The following RGS18 variants were observed in gnomAD, a reference collection of about 807,000 sequenced individuals.
RGS18 encodes regulator of G protein signaling 18.
A neutral mutation model predicts 27.6 loss-of-function variants in RGS18; 22 were observed. That is an observed-to-expected ratio of 0.80 (90% confidence interval 0.57 to 1.14). The LOEUF (loss-of-function observed/expected upper bound fraction) is 1.14. Among genes scored for constraint, RGS18 ranks in the 50% most tolerant of loss-of-function variants. The pLI is 0.00. For synonymous variants in RGS18, 89 were observed against 84.6 expected, an observed-to-expected ratio of 1.05 and a Z score of -0.29; for missense variants, 299 against 269.6, an observed-to-expected ratio of 1.11 and a Z score of -0.76.
chr1:192,158,816 A>G (rs991492535), intron 1 of RGS18, 60 bp downstream of exon 1: 8 of 1,131,928 alleles, frequency 7.1e-6, no homozygotes, highest in South Asian at 3.0e-5. Flanking sequence ...GAGGTTGAAG[A>G]TTCATTACCT....
chr1:192,178,167 A>T (rs1445218167), intron 3 of RGS18, among the ~76,000 whole-genome samples: 1 of 151,690 alleles, frequency 6.6e-6, no homozygotes, highest in Non-Finnish European at 1.5e-5. Context: ...AAAATCAAAT[A>T]TCCCTGAGAA....
At position 192,172,542 on chromosome 1, in the gene RGS18, G is replaced by A. The variant is rs143407891; in HGVS notation, c.284-8750G>A. On this transcript the variant is annotated intron_variant, in intron 3 of 4. Transcript: ENST00000367460. ...ACCCAGCCTCAGGTATTCCTTTATA[G>A]CAACACAAAACAGACTAAGACACCC... 5.2e-3 allele frequency among the ~76,000 whole-genome samples: 786 copies of A among 151,814 alleles called. 7 individuals are homozygous for A. The highest frequency in any genetic ancestry group is 0.018 in the African/African-American group (758 of 41,412).
At chr1:192,166,500 G>T (rs1656165436) in intron 3 of RGS18, among the ~76,000 whole-genome samples, 2 of 151,954 alleles carry the variant, frequency 1.3e-5, no homozygotes, top group South Asian at 4.1e-4. Flanking sequence ...CTGATGGTTA[G>T]AAAGGTAAAA....
At chr1:192,161,329 A>C (rs2102150111) in intron 3 of RGS18, 1 of 152,256 alleles carries the variant, frequency 6.6e-6, no homozygotes, top group South Asian at 2.1e-4. Context: ...ACTCTGGAAC[A>C]CTGTTATAAT....
At chr1:192,164,808 A>C (rs1426306860) in intron 3 of RGS18, among the ~76,000 whole-genome samples, 2 of 152,110 alleles carry the variant, frequency 1.3e-5, no homozygotes, top group Non-Finnish European at 2.9e-5. Context: ...GCTTGACTTT[A>C]CTTTAATCTC....
chr1:192,160,175 A>T (rs759238240), intron 2 of RGS18, among the ~76,000 whole-genome samples: 10 of 152,196 alleles, frequency 6.6e-5, no homozygotes, highest in South Asian at 4.1e-4. Context: ...TTATTTCAAC[A>T]CATTATTCAA....
intron 4 of RGS18, 87 bp from the exon 5 acceptor site, chr1:192,184,210 C>T: frequency 8.0e-7 from 1 of 1,257,556 alleles, no homozygotes; most frequent in Non-Finnish European, 1.1e-6. Flanking sequence ...GATGCCCACT[C>T]CAACATTGCA....
rs1367071306 is a variant in RGS18 at position 192,185,651 on chromosome 1, C to T, written c.*1097C>T. 1 of 151,564 alleles carries T rather than the reference C, an allele frequency of 6.6e-6. No individual in the cohort carries two copies. Among genetic ancestry groups the T allele is most frequent in the Non-Finnish European group, 1.5e-5 (1 of 67,708 alleles). 9.4% of individuals were successfully genotyped at this position (151,564 alleles called of 1,614,324 possible). On this transcript the variant is annotated 3_prime_UTR_variant, in exon 5 of 5. Transcript: ENST00000367460. Reference sequence around the variant, plus strand: ...GATATTTAATTTTTAATGTGTGTTACATGGTCTGTAAATATTTGTATTTAA... The same window carrying T: ...GATATTTAATTTTTAATGTGTGTTATATGGTCTGTAAATATTTGTATTTAA...
At chr1:192,166,118 A>G (rs1225852544) in intron 3 of RGS18, among the ~76,000 whole-genome samples, 1 of 152,196 alleles carries the variant, frequency 6.6e-6, no homozygotes, top group Non-Finnish European at 1.5e-5. Context: ...GATATATTAT[A>G]CACACATATG....
chr1:192,159,780 T>C (rs1322199009), intron 2 of RGS18, among the ~76,000 whole-genome samples: 1 of 152,112 alleles, frequency 6.6e-6, no homozygotes, highest in Non-Finnish European at 1.5e-5. Context: ...ATATACTAGT[T>C]TCATACAAAT....
At chr1:192,162,109 G>A (rs1656083647) in intron 3 of RGS18, among the ~76,000 whole-genome samples, 2 of 152,136 alleles carry the variant, frequency 1.3e-5, no homozygotes, top group Admixed American at 1.3e-4. Flanking sequence ...AGTTTGTGCT[G>A]ACAAAGTTTA....
chr1:192,178,890 T>C (rs1272202817), intron 3 of RGS18, among the ~76,000 whole-genome samples: 1 of 151,582 alleles, frequency 6.6e-6, no homozygotes, highest in African/African-American at 2.4e-5. Flanking sequence ...TAATGCCTCA[T>C]TTTGTCTACA....
intron 3 of RGS18, among the ~76,000 whole-genome samples, chr1:192,165,375 C>T (rs1163149561): frequency 6.6e-6 from 1 of 152,126 alleles, no homozygotes; most frequent in African/African-American, 2.4e-5. Flanking sequence ...TTTGCCCTGG[C>T]CTTGTGACCT....
chr1:192,172,548 C>T (rs910314262), intron 3 of RGS18, among the ~76,000 whole-genome samples: 2 of 151,852 alleles, frequency 1.3e-5, no homozygotes, highest in African/African-American at 4.8e-5. Flanking sequence ...TATAGCAACA[C>T]AAAACAGACT....
intron 3 of RGS18, among the ~76,000 whole-genome samples, chr1:192,167,100 G>C (rs1044704406): frequency 5.3e-5 from 8 of 151,992 alleles, no homozygotes; most frequent in African/African-American, 9.7e-5. Context: ...TCTGAATTGT[G>C]GTTCTAAGTA....
At position 192,158,568 on chromosome 1, in the gene RGS18, T is replaced by C. The variant is rs1373560139; in HGVS notation, c.-70T>C. 33 of 1,337,184 alleles carry C rather than the reference T, an allele frequency of 2.5e-5. No homozygotes were observed. The highest frequency in any genetic ancestry group is 3.2e-5 in the Non-Finnish European group (32 of 1,000,502). The allele number at this position is 1,337,184 out of a possible 1,614,324, so 82.8% of individuals were successfully genotyped here. On this transcript the variant is annotated 5_prime_UTR_variant, in exon 1 of 5. It removes an upstream start codon present in the reference 5' UTR. Coordinates refer to ENST00000367460, the MANE Select transcript of RGS18 (RefSeq NM_130782.3). ...CTTTTTATTCTACTATGTATATGTA[T>C]GGAATAGTATTAATAAATGAACTAG... is the stretch of plus-strand genomic sequence containing the variant.
At chr1:192,173,469 A>C (rs75988847) in intron 3 of RGS18, among the ~76,000 whole-genome samples, 2,154 of 151,958 alleles carry the variant, frequency 0.014, 28 homozygotes, top group Middle Eastern at 0.054. Flanking sequence ...TCATAAAATA[A>C]GGTGGAAAGT....
chr1:192,181,410 A>G lies in RGS18; in HGVS notation c.402A>G (p.Lys134=), dbSNP rs1656451572. The change falls in exon 4 of 5, where the codon AAA becomes AAG. Residue 134 remains lysine, a synonymous_variant. Transcript: ENST00000367460. ...KSKGPQQIHL[K]AKAIYEKFIQ... ...AGGGACCTCAACAAATTCACCTTAA[A>G]GCAAAAGCAATATATGAGAAATTTA... is the stretch of plus-strand genomic sequence containing the variant. 3 of 1,588,312 alleles carry G rather than the reference A, an allele frequency of 1.9e-6. No individual in the cohort carries two copies. Among genetic ancestry groups the G allele is most frequent in the East Asian group, 2.3e-5 (1 of 43,612 alleles).
At chr1:192,171,731 C>T (rs919351500) in intron 3 of RGS18, among the ~76,000 whole-genome samples, 25 of 151,940 alleles carry the variant, frequency 1.6e-4, no homozygotes, top group African/African-American at 5.8e-4. Flanking sequence ...GTTCCTGGAA[C>T]TCTAATACAT....
Sources: allele counts gnomAD v4.1 joint callset (sites outside exome capture counted in the v4.1 genomes callset), GRCh38; gene constraint gnomAD v4.1.1; transcripts MANE v1.5; gene names NCBI Gene and HGNC (gene_info 2026-07-23, HGNC 2026-07-21).